BSDC1: variants seen among roughly 807,000 people sequenced by gnomAD.
The protein encoded by BSDC1 is BSD domain containing 1.
Under a neutral mutation model 56.0 loss-of-function variants are expected in BSDC1, and 29 were observed. That is an observed-to-expected ratio of 0.52 (90% CI 0.39 to 0.71). The LOEUF (loss-of-function observed/expected upper bound fraction) is 0.71, where lower values mean the gene tolerates loss of function less well. BSDC1 is among the 30% of genes least tolerant of loss of function. The pLI, the probability that BSDC1 is intolerant of heterozygous loss-of-function variation, is 0.00. For missense variants in BSDC1, 477 were observed against 548.5 expected (o/e 0.87, Z 1.30); for synonymous variants, 210 against 215.3 (o/e 0.98, Z 0.21).
At chr1:32,383,807 C>T in intron 4 of BSDC1, 23 bp downstream of exon 4, 1 of 1,608,122 alleles carries the variant, frequency 6.2e-7, no homozygotes, top group Non-Finnish European at 8.5e-7. Context: ...TAGGCATCTG[C>T]AGGGGAGACT....
Position 32,383,881 on chromosome 1 carries a change from G to A in BSDC1, c.306C>T (p.Ile102=). The change falls in exon 4 of 11, where the codon ATC becomes ATT. Residue 102 remains isoleucine, a synonymous_variant. Transcript: ENST00000455895. ...TGCCAGACGGTGTGCCCATCAGGGT[G>A]ATGACATCGCAGTCGATGGTTTTGT... ...SPDKTIDCDV[I]TLMGTPSGTA... 6.2e-7 allele frequency: 1 copy of A among 1,612,386 alleles called. No individual in the cohort carries two copies. Among genetic ancestry groups the A allele is most frequent in the Non-Finnish European group, 8.5e-7 (1 of 1,180,034 alleles).
chr1:32,377,173 T>C (rs1406479936), intron 8 of BSDC1, among the ~76,000 whole-genome samples: 1 of 151,852 alleles, frequency 6.6e-6, no homozygotes, highest in African/African-American at 2.4e-5. Context: ...GTCATTCAGC[T>C]CACCCCTTCG....
In BSDC1 at chr1:32,384,005, G is replaced by A. The variant is rs1229862206; in HGVS notation, c.190-8C>T. The A allele has an allele frequency of 6.2e-7, 1 of 1,613,136 alleles. No individual in the cohort carries two copies. The highest frequency in any genetic ancestry group is 8.5e-7 in the Non-Finnish European group (1 of 1,180,020). On this transcript the variant is annotated splice_polypyrimidine_tract_variant and splice_region_variant and intron_variant, in intron 3 of 10. Transcript: ENST00000455895. ...TCCTGAGGAGCCTTCCGTCTGTATA[G>A]AGAACGGGCAGAGGAAGCAAGCGCC...
At chr1:32,385,231 G>C (rs1203559923) in intron 3 of BSDC1, among the ~76,000 whole-genome samples, 2 of 152,146 alleles carry the variant, frequency 1.3e-5, no homozygotes, top group Admixed American at 6.5e-5. Context: ...ACTGACTTTA[G>C]AATCTAACTT....
chr1:32,387,637 A>G (rs1642720141), intron 2 of BSDC1, among the ~76,000 whole-genome samples: 1 of 152,198 alleles, frequency 6.6e-6, no homozygotes, highest in South Asian at 2.1e-4. Context: ...CACCCAGCCT[A>G]AGGCATGTGA....
At position 32,366,496 on chromosome 1, in the gene BSDC1, CTG is replaced by C; in HGVS notation, c.*124_*125del. 4.2e-6 allele frequency: 4 copies of C among 951,092 alleles called. No homozygotes were observed. The highest frequency in any genetic ancestry group is 4.1e-4 in the Middle Eastern group (2 of 4,824). The allele number at this position is 951,092 out of a possible 1,614,324, so 58.9% of individuals were successfully genotyped here. A position where few individuals can be genotyped will look rare whatever the true frequency, so the allele number is the denominator to read the frequency against. On this transcript the variant is annotated 3_prime_UTR_variant, in exon 11 of 11. Coordinates refer to ENST00000455895, the MANE Select transcript of BSDC1 (RefSeq NM_018045.8). ...AGGGCCAGCAGGGAGCCACCAGAAT[CTG>C]TGCCCAGAGCTCTGGTTGGCAGAGG...
chr1:32,368,618 C>G, intron 9 of BSDC1, 68 bp from the exon 10 acceptor site: 1 of 1,600,848 alleles, frequency 6.2e-7, no homozygotes, highest in Non-Finnish European at 8.5e-7. Context: ...GAGGGTGTAG[C>G]TGGGGAGATA....
At chr1:32,393,809 G>A (rs1642950273) in intron 2 of BSDC1, 1 of 461,226 alleles carries the variant, frequency 2.2e-6, no homozygotes, top group African/African-American at 2.0e-5. Flanking sequence ...AATTTCCTGA[G>A]CTGGAATAAA....
rs371698272 is a variant in BSDC1 at position 32,368,453 on chromosome 1, G to C, written c.1254C>G (p.Ser418=). 3 of 1,613,918 alleles carry C rather than the reference G, an allele frequency of 1.9e-6. No homozygotes were observed. Among genetic ancestry groups the C allele is most frequent in the East Asian group, 4.5e-5 (2 of 44,878 alleles). Residue 418 remains serine, a synonymous_variant, in exon 10 of 11, where the codon TCC becomes TCG. Coordinates refer to ENST00000455895, the MANE Select transcript of BSDC1 (RefSeq NM_018045.8). ...ACCCACCAGGCCCACTCACCTCCCC[G>C]GAGGCATCCACTTTGGAAAGTGCCA... is the stretch of plus-strand genomic sequence containing the variant. ...VQMALSKVDA[S]GELEDVEWED...
chr1:32,391,768 A>C (rs1423415139), intron 2 of BSDC1, among the ~76,000 whole-genome samples: 1 of 152,170 alleles, frequency 6.6e-6, no homozygotes, highest in Non-Finnish European at 1.5e-5. Flanking sequence ...GTCCAGATGG[A>C]GCCAGAATGG....
At chr1:32,387,003 CA>C in intron 2 of BSDC1, 108 bp from the exon 3 acceptor site, 1 of 836,630 alleles carries the variant, frequency 1.2e-6, no homozygotes, top group Non-Finnish European at 2.0e-6. Context: ...TCTCCAGCGG[CA>C]GGGGAGCTTC....
At chr1:32,382,697 CAAAA>C (rs74997036) in intron 4 of BSDC1, among the ~76,000 whole-genome samples, 3 of 84,384 alleles carry the variant, frequency 3.6e-5, no homozygotes, top group Non-Finnish European at 5.1e-5. Context: ...CTCATCGCTA[CAAAA>C]AAAAAAAAAA....
intron 9 of BSDC1, chr1:32,374,748 T>C (rs1642214670): frequency 6.6e-6 from 1 of 152,280 alleles, no homozygotes; most frequent in Non-Finnish European, 1.5e-5. Flanking sequence ...TGTCCAGAGA[T>C]TCCTTCTTTC....
At position 32,366,689 on chromosome 1, in the gene BSDC1, A is replaced by T. The variant is rs1324272728; in HGVS notation, c.1261-35T>A. The T allele has an allele frequency of 4.8e-6, 7 of 1,456,268 alleles. 1 individual carries two copies. In the South Asian group the frequency reaches 8.8e-5, roughly 18 times the overall value. 90.2% of individuals were successfully genotyped at this position (1,456,268 alleles called of 1,614,324 possible). A position where few individuals can be genotyped will look rare whatever the true frequency, so the allele number is the denominator to read the frequency against. ...GGAGGGGGTAATGGAAATCACAAACACATAGTTACTCCTGAGTCAGGCCCA... is the reference window on the plus strand; with the variant it reads ...GGAGGGGGTAATGGAAATCACAAACTCATAGTTACTCCTGAGTCAGGCCCA... On this transcript the variant is annotated intron_variant, in intron 10 of 10. Coordinates refer to ENST00000455895, the MANE Select transcript of BSDC1 (RefSeq NM_018045.8).
chr1:32,370,335 CTT>C (rs1642027149), intron 9 of BSDC1, among the ~76,000 whole-genome samples: 1 of 152,134 alleles, frequency 6.6e-6, no homozygotes, highest in African/African-American at 2.4e-5. Flanking sequence ...CATAATCAGA[CTT>C]AATATGTTTA....
At chr1:32,384,128 C>T (rs1331657319) in intron 3 of BSDC1, 131 bp from the exon 4 acceptor site, 14 of 1,295,914 alleles carry the variant, frequency 1.1e-5, no homozygotes, top group East Asian at 4.8e-5. Flanking sequence ...ACCCTTCACC[C>T]GTCTCTGGGG....
intron 8 of BSDC1, 103 bp downstream of exon 8, chr1:32,377,867 C>T: frequency 1.8e-6 from 2 of 1,134,622 alleles, no homozygotes; most frequent in Non-Finnish European, 2.5e-6. Context: ...CCCTACTCTT[C>T]CCTGATGGGC....
At chr1:32,372,646 G>A (rs1365472790) in intron 9 of BSDC1, among the ~76,000 whole-genome samples, 1 of 152,204 alleles carries the variant, frequency 6.6e-6, no homozygotes, top group African/African-American at 2.4e-5. Context: ...AGAGCACTAA[G>A]ATCTCCATTA....
intron 9 of BSDC1, among the ~76,000 whole-genome samples, chr1:32,375,487 T>C (rs1034134821): frequency 6.6e-6 from 1 of 152,132 alleles, no homozygotes; most frequent in Non-Finnish European, 1.5e-5. Context: ...ATTTTGGATG[T>C]GGCAAAAAGG....
Sources: gnomAD v4.1 joint callset for allele counts (sites outside exome capture counted in the v4.1 genomes callset) on GRCh38, gnomAD v4.1.1 for gene constraint, MANE v1.5 for transcripts, NCBI Gene and HGNC (gene_info 2026-07-23, HGNC 2026-07-21) for gene names.